The following SHTN1 variants were observed in gnomAD, a reference collection of about 807,000 sequenced individuals.
SHTN1 encodes the protein shootin 1, also known as shootin-1.
A neutral mutation model predicts 83.1 loss-of-function variants in SHTN1; 42 were observed. The observed-to-expected ratio is 0.51, with a 90% CI of 0.39 to 0.65. The LOEUF (loss-of-function observed/expected upper bound fraction) is 0.65, where lower values mean the gene tolerates loss of function less well. Ranked by LOEUF, SHTN1 falls within the 30% of genes least tolerant of loss-of-function variation. SHTN1 has a pLI of 0.00. For missense variants in SHTN1, 622 were observed against 737.8 expected, an observed-to-expected ratio of 0.84 and a Z score of 1.82; for synonymous variants, 224 against 247.7, an observed-to-expected ratio of 0.90 and a Z score of 0.90.
chr10:117,077,214 A>C (rs1390945966), intron 1 of SHTN1, among the ~76,000 whole-genome samples: 1 of 152,216 alleles, frequency 6.6e-6, no homozygotes, highest in Non-Finnish European at 1.5e-5. Context: ...TTTTCCCAAC[A>C]GCTGATCAGG....
intron 1 of SHTN1, among the ~76,000 whole-genome samples, chr10:117,079,050 A>C (rs1416805850): frequency 2.0e-5 from 3 of 151,120 alleles, no homozygotes; most frequent in African/African-American, 4.9e-5. Flanking sequence ...TTATTTTTTT[A>C]TTATTATAAG....
intron 1 of SHTN1, among the ~76,000 whole-genome samples, chr10:117,117,887 C>A (rs1277198645): frequency 6.6e-6 from 1 of 152,086 alleles, no homozygotes; most frequent in Non-Finnish European, 1.5e-5. Flanking sequence ...ACACAAAAAT[C>A]AAATCAAAAT....
At chr10:116,979,047 C>G (rs1221255567) in intron 2 of SHTN1, among the ~76,000 whole-genome samples, 1 of 152,192 alleles carries the variant, frequency 6.6e-6, no homozygotes, top group Non-Finnish European at 1.5e-5. Context: ...CCCAGAGCTG[C>G]ACCCACTGTG....
At chr10:116,939,399 GC>G (rs1269693701) in intron 9 of SHTN1, among the ~76,000 whole-genome samples, 1 of 152,160 alleles carries the variant, frequency 6.6e-6, no homozygotes, top group Non-Finnish European at 1.5e-5. Context: ...GTCTCTCGTG[GC>G]TTCCCTTGGC....
chr10:117,103,996 C>T (rs1853639199), intron 1 of SHTN1, among the ~76,000 whole-genome samples: 1 of 152,012 alleles, frequency 6.6e-6, no homozygotes. Flanking sequence ...TCCTCAATTG[C>T]CTCATTTCCT....
At chr10:117,073,096 C>G (rs1053645835) in intron 1 of SHTN1, among the ~76,000 whole-genome samples, 1 of 152,034 alleles carries the variant, frequency 6.6e-6, no homozygotes. Flanking sequence ...TAGAATTGAA[C>G]AAGTAAAAGA....
intron 1 of SHTN1, among the ~76,000 whole-genome samples, chr10:117,108,473 C>T (rs373445769): frequency 1.3e-5 from 2 of 148,294 alleles, no homozygotes; most frequent in South Asian, 2.1e-4. Context: ...AACCAAACAC[C>T]GCATGTTCTC....
At chr10:117,056,623 A>G (rs1852829882) in intron 1 of SHTN1, among the ~76,000 whole-genome samples, 1 of 152,136 alleles carries the variant, frequency 6.6e-6, no homozygotes. Context: ...CATCCTGGCT[A>G]ACACTGTGAA....
At chr10:117,098,454 T>C (rs1305020816) in intron 1 of SHTN1, among the ~76,000 whole-genome samples, 2 of 143,294 alleles carry the variant, frequency 1.4e-5, no homozygotes, top group South Asian at 2.2e-4. Flanking sequence ...GCCTGTGGAA[T>C]AGGAGATTCT....
chr10:117,037,998 CAAAAAA>C (rs71013632), intron 2 of SHTN1, among the ~76,000 whole-genome samples: 10 of 75,486 alleles, frequency 1.3e-4, no homozygotes, highest in Middle Eastern at 8.1e-3. Context: ...AGCGAGACTT[CAAAAAA>C]AAAAAAAAAA....
chr10:117,075,756 G>A (rs1183615275), intron 1 of SHTN1, among the ~76,000 whole-genome samples: 1 of 152,090 alleles, frequency 6.6e-6, no homozygotes, highest in Non-Finnish European at 1.5e-5. Flanking sequence ...GAACACCCAT[G>A]GCAAATAATA....
At chr10:117,093,650 C>A (rs182185531) in intron 1 of SHTN1, among the ~76,000 whole-genome samples, 1 of 152,188 alleles carries the variant, frequency 6.6e-6, no homozygotes, top group Non-Finnish European at 1.5e-5. Context: ...GACTTTTTCA[C>A]GACACCAGGC....
At position 116,994,861 on chromosome 10, in the gene SHTN1, A is replaced by T. The variant is rs554780681; in HGVS notation, c.58+10161T>A. Among the ~76,000 whole-genome samples, 14 of 11,406 alleles carry T rather than the reference A, an allele frequency of 1.2e-3. No homozygotes were observed. In the East Asian group the frequency reaches 0.071, roughly 58 times the overall value. 7.5% of individuals were successfully genotyped at this position (11,406 alleles called of 152,430 possible). A position where few individuals can be genotyped will look rare whatever the true frequency, so the allele number is the denominator to read the frequency against. ...AGGGCTCCCTGGAAGTCTGAAAGTG[A>T]CATATTAAATAAACCCATTAGGTTT... On this transcript the variant is annotated intron_variant, in intron 1 of 16. Coordinates refer to ENST00000355371, the MANE Select transcript of SHTN1 (RefSeq NM_001127211.3).
At chr10:116,945,180 A>C (rs2133406303) in intron 7 of SHTN1, among the ~76,000 whole-genome samples, 162 bp from the exon 8 acceptor site, 1 of 152,334 alleles carries the variant, frequency 6.6e-6, no homozygotes, top group South Asian at 2.1e-4. Context: ...TTGGAGAGCA[A>C]CTTGGCAACG....
intron 1 of SHTN1, among the ~76,000 whole-genome samples, chr10:117,110,618 C>A (rs1169086631): frequency 6.6e-6 from 1 of 151,906 alleles, no homozygotes; most frequent in East Asian, 1.9e-4. Flanking sequence ...ACCTCGGCCT[C>A]CCAAAGTGCT....
At chr10:117,106,021 AATAAAAT>A (rs1302453705) in intron 1 of SHTN1, among the ~76,000 whole-genome samples, 2 of 152,036 alleles carry the variant, frequency 1.3e-5, no homozygotes, top group Non-Finnish European at 2.9e-5. Context: ...TCAGAAACAA[AATAAAAT>A]ATAAATACCA....
At chr10:116,922,738 G>A (rs886111352) in intron 11 of SHTN1, among the ~76,000 whole-genome samples, 1 of 152,152 alleles carries the variant, frequency 6.6e-6, no homozygotes, top group Non-Finnish European at 1.5e-5. Flanking sequence ...GCCAAGGTGG[G>A]CAGATCACCT....
intron 2 of SHTN1, among the ~76,000 whole-genome samples, chr10:117,011,414 G>A (rs189334607): frequency 4.2e-4 from 64 of 152,242 alleles, no homozygotes; most frequent in African/African-American, 1.5e-3. Flanking sequence ...ATATACATGA[G>A]GATTTATTTT....
In SHTN1 at chr10:117,121,208, T is replaced by A. The variant is rs1236784401; in HGVS notation, c.-189+5099A>T. Among the ~76,000 whole-genome samples the A allele has an allele frequency of 2.0e-5, 3 of 152,208 alleles. No homozygotes were observed. In the East Asian group the frequency reaches 5.8e-4, roughly 29 times the overall value. On this transcript the variant is annotated intron_variant, in intron 1 of 17. Coordinates refer to the SHTN1 transcript ENST00000392901. Reference sequence around the variant, plus strand: ...TTGTTTAAAAAAGATATTATGAAGATCAAAGGAGATTACATGTATAATCTC... The same window carrying A: ...TTGTTTAAAAAAGATATTATGAAGAACAAAGGAGATTACATGTATAATCTC...
Sources: allele counts gnomAD v4.1 joint callset (sites outside exome capture counted in the v4.1 genomes callset), GRCh38; gene constraint gnomAD v4.1.1; transcripts MANE v1.5; gene names NCBI Gene and HGNC (gene_info 2026-07-23, HGNC 2026-07-21).